Variants in BTAF1 observed in about 807,000 individuals in gnomAD.
BTAF1 encodes the protein TATA-binding protein-associated factor 172.
In BTAF1, 38 loss-of-function variants were observed where a neutral mutation model predicts 227.1. The ratio of observed to expected loss-of-function variants is 0.17; its 90% CI spans 0.13 to 0.22. The LOEUF (loss-of-function observed/expected upper bound fraction) is 0.22. Among genes scored for constraint, BTAF1 ranks in the 10% least tolerant of loss-of-function variants. The pLI is 1.00. For missense variants in BTAF1, 1,598 were observed against 2,204.0 expected (o/e 0.73, Z 5.51); for synonymous variants, 742 against 751.9 (o/e 0.99, Z 0.21).
intron 4 of BTAF1, among the ~76,000 whole-genome samples, chr10:91,945,158 G>A (rs1338305736): frequency 6.6e-6 from 1 of 151,824 alleles, no homozygotes; most frequent in East Asian, 1.9e-4. Context: ...CATACAATAT[G>A]TGGTCTTTTG....
intron 30 of BTAF1, 100 bp downstream of exon 30, chr10:92,011,515 A>G: frequency 2.1e-6 from 1 of 473,212 alleles, no homozygotes; most frequent in South Asian, 1.1e-4. Flanking sequence ...ATTAAAGAAG[A>G]TTTTTTATTG....
rs554012733 is a variant in BTAF1, at chr10:91,982,523, C to T, written c.2049-64C>T. 1.9e-5 allele frequency: 29 copies of T among 1,502,396 alleles called. No individual in the cohort carries two copies. The South Asian group carries it at 3.5e-4, about 18-fold the overall frequency. 93.1% of individuals were successfully genotyped at this position (1,502,396 alleles called of 1,614,324 possible). ...ATTATAGGAAATTGAAAAAATTTCC[C>T]GAAGTATGGGGAAACTTTACTTCAA... On this transcript the variant is annotated intron_variant, in intron 17 of 37. Coordinates refer to ENST00000265990, the MANE Select transcript of BTAF1 (RefSeq NM_003972.3).
rs1355344730 is a variant in BTAF1 at position 91,966,647 on chromosome 10, T to C, written c.1540T>C (p.Ser514Pro). 1 of 1,613,666 alleles carries C rather than the reference T, an allele frequency of 6.2e-7. No individual in the cohort carries two copies. Among genetic ancestry groups the C allele is most frequent in the South Asian group, 1.1e-5 (1 of 91,072 alleles). The change falls in exon 14 of 38, where the codon TCA (serine) becomes CCA (proline). Residue 514 changes from serine (S) to proline (P), a missense_variant. Physicochemically the swap from Ser to Pro is moderately conservative, Grantham distance 74. Transcript: ENST00000265990. ...PQVQQCSIQQSLTVLVPRVWP... is the reference protein window; with the variant it reads ...PQVQQCSIQQPLTVLVPRVWP... Reference sequence around the variant, plus strand: ...TGTCTTCTTTATTAGTATTCAGCAGTCACTGACAGTTTTAGTTCCACGTGT... The same window carrying C: ...TGTCTTCTTTATTAGTATTCAGCAGCCACTGACAGTTTTAGTTCCACGTGT...
intron 34 of BTAF1, 24 bp from the exon 35 acceptor site, chr10:92,024,732 G>GTTTTTTTTTTTTTT (rs1554870028): frequency 6.4e-5 from 81 of 1,267,948 alleles, no homozygotes; most frequent in South Asian, 1.9e-4. Flanking sequence ...CGCTTATGTA[G>GTTTTTTTTTTTTTT]TTTTTTTTTT....
chr10:92,003,574 A>G (rs1849693295), intron 25 of BTAF1, among the ~76,000 whole-genome samples: 2 of 152,230 alleles, frequency 1.3e-5, no homozygotes, highest in Admixed American at 6.5e-5. Context: ...CACAAATGAC[A>G]AAATTACCTT....
rs1470968258 is a variant in BTAF1 at position 91,982,486 on chromosome 10, T to G, written c.2049-101T>G. ...AGTTATGGCTTCAAAAAGCCAAATTTTGCTTCAAGTAATTATAGGAAATTG... is the reference window on the plus strand; with the variant it reads ...AGTTATGGCTTCAAAAAGCCAAATTGTGCTTCAAGTAATTATAGGAAATTG... On this transcript the variant is annotated intron_variant, in intron 17 of 37. Coordinates refer to ENST00000265990, the MANE Select transcript of BTAF1 (RefSeq NM_003972.3). The G allele has an allele frequency of 2.2e-6, 3 of 1,384,200 alleles. No homozygotes were observed. The East Asian group carries it at 7.1e-5, about 33-fold the overall frequency. 85.7% of individuals were successfully genotyped at this position (1,384,200 alleles called of 1,614,324 possible). A position where few individuals can be genotyped will look rare whatever the true frequency, so the allele number is the denominator to read the frequency against.
At chr10:91,993,053 T>C (rs1848908084) in intron 21 of BTAF1, among the ~76,000 whole-genome samples, 1 of 152,212 alleles carries the variant, frequency 6.6e-6, no homozygotes, top group Admixed American at 6.5e-5. Flanking sequence ...CTTTTTAAAA[T>C]CAACAGCTTA....
rs917870866 is a variant in BTAF1 at position 91,923,914 on chromosome 10, G to T, written c.-163G>T. On this transcript the variant is annotated 5_prime_UTR_variant, in exon 1 of 38. Coordinates refer to ENST00000265990, the MANE Select transcript of BTAF1 (RefSeq NM_003972.3). Reference sequence around the variant, plus strand: ...CCGCGGGGACGAGCTCGGGTAGGCGGCAGGGCAGATGCCCGAGGGCCTGCG... The same window carrying T: ...CCGCGGGGACGAGCTCGGGTAGGCGTCAGGGCAGATGCCCGAGGGCCTGCG... 4.4e-5 allele frequency: 35 copies of T among 804,332 alleles called. No individual in the cohort carries two copies. The highest frequency in any genetic ancestry group is 1.7e-4 in the Admixed American group (4 of 23,520). 49.8% of individuals were successfully genotyped at this position (804,332 alleles called of 1,614,324 possible). A position where few individuals can be genotyped will look rare whatever the true frequency, so the allele number is the denominator to read the frequency against.
intron 34 of BTAF1, among the ~76,000 whole-genome samples, chr10:92,019,823 G>T (rs147319633): frequency 3.1e-4 from 47 of 149,888 alleles, no homozygotes. Flanking sequence ...GTCTAGTCAA[G>T]TTCTTTACCC....
At chr10:91,953,432 T>G (rs1485237927) in intron 5 of BTAF1, among the ~76,000 whole-genome samples, 1 of 152,192 alleles carries the variant, frequency 6.6e-6, no homozygotes, top group Non-Finnish European at 1.5e-5. Context: ...ATTTTTATTT[T>G]GAAGTCTTAC....
chr10:91,954,518 G>A (rs761273164), intron 6 of BTAF1, among the ~76,000 whole-genome samples: 4 of 151,756 alleles, frequency 2.6e-5, no homozygotes, highest in Non-Finnish European at 5.9e-5. Context: ...ATTTCCTTCA[G>A]GTGCTCTTCG....
At chr10:92,024,563 G>A (rs1851355708) in intron 34 of BTAF1, among the ~76,000 whole-genome samples, 193 bp from the exon 35 acceptor site, 1 of 152,030 alleles carries the variant, frequency 6.6e-6, no homozygotes, top group Non-Finnish European at 1.5e-5. Flanking sequence ...TGATCAGGGA[G>A]CTCTAAGCCT....
chr10:92,016,164 T>C (rs1412950701), intron 32 of BTAF1, among the ~76,000 whole-genome samples, 176 bp from the exon 33 acceptor site: 1 of 152,244 alleles, frequency 6.6e-6, no homozygotes, highest in East Asian at 1.9e-4. Flanking sequence ...TAAAGGAATT[T>C]ACCAAGATGG....
At chr10:92,002,818 T>C (rs967662555) in intron 25 of BTAF1, among the ~76,000 whole-genome samples, 26 of 152,170 alleles carry the variant, frequency 1.7e-4, no homozygotes, top group African/African-American at 6.0e-4. Context: ...ACAGTAGTTC[T>C]CAAATTTTTT....
intron 34 of BTAF1, among the ~76,000 whole-genome samples, chr10:92,024,077 TG>T (rs1286786150): frequency 6.6e-6 from 1 of 152,268 alleles, no homozygotes; most frequent in Non-Finnish European, 1.5e-5. Flanking sequence ...TTGCACTTGC[TG>T]TGTGCAAGGC....
rs1365445750 is a variant in BTAF1, at chr10:91,965,694, G to C, written c.1530-943G>C. ...TAGCATGTTATTTGGAGCATGAACA[G>C]TTAGACATTTAACAAGACTTTGTTA... is the stretch of plus-strand genomic sequence containing the variant. On this transcript the variant is annotated intron_variant, in intron 13 of 37. Coordinates refer to ENST00000265990, the MANE Select transcript of BTAF1 (RefSeq NM_003972.3). Among the ~76,000 whole-genome samples the C allele has an allele frequency of 2.0e-5, 3 of 152,318 alleles. No individual in the cohort carries two copies. In the East Asian group the frequency reaches 5.8e-4, roughly 29 times the overall value.
Position 91,982,712 on chromosome 10 carries a change from A to G in BTAF1, c.2174A>G (p.Gln725Arg). 5.0e-6 allele frequency: 8 copies of G among 1,613,932 alleles called. No homozygotes were observed. The highest frequency in any genetic ancestry group is 6.8e-6 in the Non-Finnish European group (8 of 1,179,886). The change falls in exon 18 of 38, where the codon CAG becomes CGG. Residue 725 changes from glutamine to arginine, a missense_variant. Coordinates refer to ENST00000265990, the MANE Select transcript of BTAF1 (RefSeq NM_003972.3). ...CATTTGAACTCCAAGTCTGCTTTAC[A>G]GAGGATTAGTGTAGCTTTGGTAATC... ...LFHLNSKSAL[Q>R]RISVALVICE...
At chr10:91,978,814 G>GTTTTTTTTTTTTTTTTTT in intron 14 of BTAF1, among the ~76,000 whole-genome samples, 1 of 89,852 alleles carries the variant, frequency 1.1e-5, no homozygotes, top group Non-Finnish European at 2.0e-5. Flanking sequence ...TTTATGGCTT[G>GTTTTTTTTTTTTTTTTTT]TTTTTTTTTT....
Position 92,013,947 on chromosome 10 carries a change from T to G in BTAF1, c.4502T>G (p.Leu1501Trp). The G allele has an allele frequency of 6.2e-7, 1 of 1,613,980 alleles. No homozygotes were observed. Among genetic ancestry groups the G allele is most frequent in the Non-Finnish European group, 8.5e-7 (1 of 1,179,984 alleles). The change falls in exon 32 of 38, where the codon TTG (leucine) becomes TGG (tryptophan). Residue 1501 changes from leucine (L) to tryptophan (W), a missense_variant. Transcript: ENST00000265990. ...CACCGCCAAGTACTACCGTTTCTTT[T>G]GAGAAGAATGAAAGAAGATGTTTTG... ...ALHRQVLPFL[L>W]RRMKEDVLQD...
Sources: allele counts gnomAD v4.1 joint callset (sites outside exome capture counted in the v4.1 genomes callset), GRCh38; gene constraint gnomAD v4.1.1; transcripts MANE v1.5; gene names NCBI Gene and HGNC (gene_info 2026-07-23, HGNC 2026-07-21).